The following ZBBX variants were observed in gnomAD, a reference collection of about 807,000 sequenced individuals.
ZBBX encodes the protein zinc finger B-box domain-containing protein 1.
Under a neutral mutation model 108.5 loss-of-function variants are expected in ZBBX, and 101 were observed. The ratio of observed to expected loss-of-function variants is 0.93; its 90% CI spans 0.79 to 1.10. ZBBX has a LOEUF of 1.10. Among genes scored for constraint, ZBBX ranks in the 50% least tolerant of loss-of-function variants. ZBBX has a pLI of 0.00. For synonymous variants in ZBBX, 356 were observed against 323.4 expected (o/e 1.10, Z -1.08); for missense variants, 1,009 against 941.4 (o/e 1.07, Z -0.94).
chr3:167,209,279 G>T, the ZBBX span, among the ~76,000 whole-genome samples: 3 of 151,668 alleles, frequency 2.0e-5, no homozygotes, highest in Non-Finnish European at 4.4e-5. Context: ...TGGGTCTTGG[G>T]TGAGATGCAG....
At chr3:167,282,199 A>G (rs769472491) in intron 20 of ZBBX, 39 bp downstream of exon 20, 5 of 1,568,586 alleles carry the variant, frequency 3.2e-6, no homozygotes, top group Non-Finnish European at 4.3e-6. Flanking sequence ...GGGCAGAGTT[A>G]ATTAGCATTA....
Position 167,240,990 on chromosome 3 carries a change from C to T in ZBBX, c.2394-71G>A, listed in dbSNP as rs1026486988. The T allele has an allele frequency of 2.3e-5, 35 of 1,555,004 alleles. No homozygotes were observed. The East Asian group carries it at 7.6e-4, about 34-fold the overall frequency. ...TTCAACTCTTCATTTATCTTCTGAT[C>T]AATACTACATATGTTGGAGTTGCTG... On this transcript the variant is annotated intron_variant, in intron 21 of 21. Transcript: ENST00000675490.
chr3:167,185,332 A>G, the ZBBX span, among the ~76,000 whole-genome samples: 1 of 152,210 alleles, frequency 6.6e-6, no homozygotes, highest in African/African-American at 2.4e-5. Context: ...CTATAGGTCA[A>G]TAAAAACCAA....
chr3:167,219,397 A>C, the ZBBX span, among the ~76,000 whole-genome samples: 260 of 152,186 alleles, frequency 1.7e-3, no homozygotes, highest in African/African-American at 6.1e-3. Flanking sequence ...AAGTCTTTAA[A>C]AGTTCAAAAA....
the ZBBX span, among the ~76,000 whole-genome samples, chr3:167,197,577 C>G: frequency 6.6e-6 from 1 of 151,990 alleles, no homozygotes; most frequent in Non-Finnish European, 1.5e-5. Flanking sequence ...TAAAATGTAA[C>G]TTGTCACTTC....
chr3:167,270,005 T>C (rs1267266688), intron 20 of ZBBX, among the ~76,000 whole-genome samples: 1 of 152,152 alleles, frequency 6.6e-6, no homozygotes, highest in African/African-American at 2.4e-5. Context: ...ACCTCTTTAG[T>C]CAGATTTTAG....
chr3:167,235,861 C>A (rs1335811013), downstream of ZBBX, among the ~76,000 whole-genome samples: 2 of 151,594 alleles, frequency 1.3e-5, no homozygotes, highest in Non-Finnish European at 3.0e-5. Context: ...ATTTACTCAA[C>A]AAACAATCAT....
chr3:167,242,485 A>C lies in ZBBX; in HGVS notation c.2393+20T>G. 1 of 1,580,088 alleles carries C rather than the reference A, an allele frequency of 6.3e-7. No homozygotes were observed. The highest frequency in any genetic ancestry group is 8.6e-7 in the Non-Finnish European group (1 of 1,168,460). ...TTTACTACATACTATATTAATAAAT[A>C]AACTGCAGGCTTAACTTACCTCAAT... On this transcript the variant is annotated intron_variant, in intron 21 of 21. Coordinates refer to ENST00000675490, the MANE Select transcript of ZBBX (RefSeq NM_001199201.2).
chr3:167,305,993 A>G, intron 16 of ZBBX, 43 bp from the exon 17 acceptor site: 4 of 1,391,262 alleles, frequency 2.9e-6, no homozygotes, highest in Non-Finnish European at 3.8e-6. Context: ...AAATAAATTT[A>G]AACAAATAAT....
the ZBBX span, among the ~76,000 whole-genome samples, chr3:167,191,896 C>CATATAT: frequency 0.063 from 4,222 of 67,126 alleles, 316 homozygotes; most frequent in Non-Finnish European, 0.07. Flanking sequence ...TTACAAAAAT[C>CATATAT]ATATATATAT....
intron 1 of ZBBX, among the ~76,000 whole-genome samples, chr3:167,405,694 T>C (rs545885734): frequency 6.6e-6 from 1 of 152,348 alleles, no homozygotes; most frequent in African/African-American, 2.4e-5. Context: ...GAAGAAGGTA[T>C]TCCTGGTAAG....
chr3:167,217,113 T>C, the ZBBX span, among the ~76,000 whole-genome samples: 1 of 152,024 alleles, frequency 6.6e-6, no homozygotes, highest in Non-Finnish European at 1.5e-5. Context: ...AAAGCAAAAA[T>C]TGACAAGTGG....
the ZBBX span, among the ~76,000 whole-genome samples, chr3:167,215,747 T>G: frequency 6.6e-6 from 1 of 152,080 alleles, no homozygotes; most frequent in East Asian, 1.9e-4. Flanking sequence ...ACCTGCAAAC[T>G]GAATCCAGCA....
chr3:167,385,374 T>A (rs1422477475), intron 1 of ZBBX, among the ~76,000 whole-genome samples: 1 of 152,036 alleles, frequency 6.6e-6, no homozygotes, highest in East Asian at 1.9e-4. Context: ...GGAATACCTA[T>A]ATAGGGCACT....
intron 9 of ZBBX, among the ~76,000 whole-genome samples, chr3:167,348,202 G>T (rs1213563314): frequency 3.3e-5 from 2 of 59,868 alleles, no homozygotes; most frequent in Non-Finnish European, 6.4e-5. Context: ...ATGAAAGAAG[G>T]AAGGAAGGAA....
chr3:167,195,244 A>T, the ZBBX span, among the ~76,000 whole-genome samples: 1 of 152,188 alleles, frequency 6.6e-6, no homozygotes, highest in South Asian at 2.1e-4. Context: ...CTTCCCAAGG[A>T]ACACTAAAGG....
chr3:167,295,380 G>A (rs1731460133), intron 18 of ZBBX, among the ~76,000 whole-genome samples: 7 of 151,998 alleles, frequency 4.6e-5, no homozygotes. Context: ...ATGAGTTCAT[G>A]TCCTTTGCAG....
the ZBBX span, among the ~76,000 whole-genome samples, chr3:167,200,613 A>G: frequency 6.6e-6 from 1 of 152,106 alleles, no homozygotes; most frequent in Non-Finnish European, 1.5e-5. Flanking sequence ...TGAAGTCATT[A>G]TTTGAATTCC....
chr3:167,399,886 C>T (rs961255626), intron 1 of ZBBX, among the ~76,000 whole-genome samples: 2 of 152,004 alleles, frequency 1.3e-5, no homozygotes, highest in African/African-American at 2.4e-5. Context: ...TAGTAGTCCT[C>T]AGCATCTACT....
Sources: allele counts gnomAD v4.1 joint callset (sites outside exome capture counted in the v4.1 genomes callset), GRCh38; gene constraint gnomAD v4.1.1; transcripts MANE v1.5; gene names NCBI Gene and HGNC (gene_info 2026-07-23, HGNC 2026-07-21).